Variants in FLT3 observed in about 807,000 individuals in gnomAD.
FLT3 encodes receptor-type tyrosine-protein kinase FLT3.
In FLT3, 46 loss-of-function variants were observed where a neutral mutation model predicts 126.6. The ratio of observed to expected loss-of-function variants is 0.36; its 90% CI spans 0.29 to 0.46. FLT3 has a LOEUF of 0.46. Among genes scored for constraint, FLT3 ranks in the 20% least tolerant of loss-of-function variants. The pLI is 1.00. For synonymous variants in FLT3, 404 were observed against 434.4 expected, an observed-to-expected ratio of 0.93 and a Z score of 0.87; for missense variants, 1,069 against 1,190.3, an observed-to-expected ratio of 0.90 and a Z score of 1.50.
chr13:28,072,930 G>A (rs904811812), intron 1 of FLT3, among the ~76,000 whole-genome samples: 149 of 152,152 alleles, frequency 9.8e-4, no homozygotes, highest in African/African-American at 3.4e-3. Context: ...GCGTAAACCC[G>A]GGAGGCGGAG....
In FLT3 at chr13:28,015,605, C is replaced by T; in HGVS notation, c.2638G>A (p.Glu880Lys). ...DVWSYGILLWEIFSLGVNPYP... is the reference protein window; with the variant it reads ...DVWSYGILLWKIFSLGVNPYP... ...CCCAACTTACCAAGTGAGAAGATTT[C>T]CCACAGTAATATTCCATATGACCAG... The change falls in exon 21 of 24, where the codon GAA becomes AAA. Residue 880 changes from glutamate (E) to lysine (K), a missense_variant. Coordinates refer to ENST00000241453, the MANE Select transcript of FLT3 (RefSeq NM_004119.3). 6.2e-7 allele frequency: 1 copy of T among 1,608,692 alleles called. No homozygotes were observed. The highest frequency in any genetic ancestry group is 8.5e-7 in the Non-Finnish European group (1 of 1,176,032).
intron 1 of FLT3, among the ~76,000 whole-genome samples, chr13:28,088,224 T>G (rs1044946622): frequency 1.3e-5 from 2 of 152,204 alleles, no homozygotes; most frequent in African/African-American, 4.8e-5. Flanking sequence ...AGTGTTCAGT[T>G]TAGAGTTAAT....
intron 23 of FLT3, among the ~76,000 whole-genome samples, chr13:28,012,081 A>G (rs916211200): frequency 6.6e-6 from 1 of 152,080 alleles, no homozygotes; most frequent in Non-Finnish European, 1.5e-5. Flanking sequence ...TGTGTGACCC[A>G]CTGCAATGGG....
Position 28,075,802 on chromosome 13 carries a change from T to TC in FLT3, c.44-5191_44-5190insG, listed in dbSNP as rs1491509715. On this transcript the variant is annotated intron_variant, in intron 1 of 23. Transcript: ENST00000241453. ...CATCTAAAACCTACTCTCTTAGCAATTTTTTTTTTTTGAGACAGAGTCTGA... is the reference window on the plus strand; with the variant it reads ...CATCTAAAACCTACTCTCTTAGCAATCTTTTTTTTTTTGAGACAGAGTCTGA... Among the ~76,000 whole-genome samples the TC allele has an allele frequency of 7.9e-4, 13 of 16,496 alleles. No individual in the cohort carries two copies. The Admixed American group carries it at 9.4e-3, about 12-fold the overall frequency. 10.8% of individuals were successfully genotyped at this position (16,496 alleles called of 152,430 possible).
In FLT3 at chr13:28,049,422, G is replaced by A. The variant is rs764732883; in HGVS notation, c.998C>T (p.Ser333Leu). 9.3e-6 allele frequency: 15 copies of A among 1,614,088 alleles called. No homozygotes were observed. Among genetic ancestry groups the A allele is most frequent in the Non-Finnish European group, 1.3e-5 (15 of 1,179,976 alleles). ...NDTGYYTCSS[S>L]KHPSQSALVT... ...CAAAGCTGATTGACTGGGATGCTTT[G>A]AAGAGGAACAAGTGTAGTATCCGGT... Residue 333 changes from serine to leucine, a missense_variant, in exon 8 of 24, where the codon TCA (serine) becomes TTA (leucine). By Grantham distance (145) the Ser-to-Leu change is moderately radical. Coordinates refer to ENST00000241453, the MANE Select transcript of FLT3 (RefSeq NM_004119.3).
chr13:28,096,629 G>A (rs1879469120), intron 1 of FLT3, among the ~76,000 whole-genome samples: 1 of 152,012 alleles, frequency 6.6e-6, no homozygotes, highest in African/African-American at 2.4e-5. Context: ...TAGAAACAGG[G>A]TTTCACCATG....
Position 28,069,005 on chromosome 13 carries a change from TAAAAGAG to T in FLT3, c.165+1479_165+1485del, listed in dbSNP as rs1419583219. 6.9e-3 allele frequency among the ~76,000 whole-genome samples: 1,042 copies of T among 152,016 alleles called. 10 individuals are homozygous for T. The highest frequency in any genetic ancestry group is 0.024 in the African/African-American group (990 of 41,458). On this transcript the variant is annotated intron_variant, in intron 2 of 23. Transcript: ENST00000241453. ...GTAATGAAAAACAAGACGAACAGCG[TAAAAGAG>T]AGGAGTCATGAAAAACAAAGTCGGA... is the stretch of plus-strand genomic sequence containing the variant.
chr13:28,034,015 G>A (rs768037290), intron 14 of FLT3, 24 bp from the exon 15 acceptor site: 20 of 1,612,344 alleles, frequency 1.2e-5, no homozygotes, highest in South Asian at 2.2e-5. Flanking sequence ...TGGTGAGTAC[G>A]TGCATTTTAA....
chr13:28,033,152 C>CA (rs755989941), intron 15 of FLT3, among the ~76,000 whole-genome samples: 17,691 of 138,128 alleles, frequency 0.13, 1,170 homozygotes, highest in South Asian at 0.22. Flanking sequence ...ACCGTATCTA[C>CA]AAAAAAAAAA....
In FLT3 at chr13:28,090,203, A is replaced by AT. The variant is rs559106898; in HGVS notation, c.43+10264dup. ...TTACAGGCGTGCATCACCATGCCCAATTTTTTGTATTTTTAGTAGAGACAG... is the reference window on the plus strand; with the variant it reads ...TTACAGGCGTGCATCACCATGCCCAATTTTTTTGTATTTTTAGTAGAGACAG... On this transcript the variant is annotated intron_variant, in intron 1 of 23. Coordinates refer to ENST00000241453, the MANE Select transcript of FLT3 (RefSeq NM_004119.3). Among the ~76,000 whole-genome samples the AT allele has an allele frequency of 3.3e-4, 50 of 150,072 alleles. No individual in the cohort carries two copies. In the South Asian group the frequency reaches 9.3e-3, roughly 28 times the overall value.
rs779318784 is a variant in FLT3, at chr13:28,035,672, A to T, written c.1420T>A (p.Cys474Ser). 2 of 1,599,410 alleles carry T rather than the reference A, an allele frequency of 1.3e-6. No homozygotes were observed. The highest frequency in any genetic ancestry group is 1.7e-6 in the Non-Finnish European group (2 of 1,176,286). ...ACTCCTTCTGTGATCTCTTCTGTGC[A>T]GCTGAAAAAAAAAATAGCAAAGAAT... ...WKKCSDKSPN[C>S]TEEITEGVWN... Residue 474 changes from cysteine to serine, a missense_variant and splice_region_variant, in exon 12 of 24, where the codon TGC becomes AGC. Physicochemically the swap from Cys to Ser is moderately radical, Grantham distance 112 (BLOSUM62 -1). Transcript: ENST00000241453.
At chr13:28,005,328 C>CA (rs1226184058) in intron 23 of FLT3, among the ~76,000 whole-genome samples, 5 of 138,492 alleles carry the variant, frequency 3.6e-5, no homozygotes, top group Non-Finnish European at 7.4e-5. Context: ...GACTCCATCT[C>CA]AAAAAAAAGA....
intron 17 of FLT3, among the ~76,000 whole-genome samples, chr13:28,026,853 T>G (rs367776682): frequency 9.2e-5 from 14 of 152,330 alleles, no homozygotes; most frequent in African/African-American, 3.1e-4. Context: ...TATGGTGTGA[T>G]GCAGGCATGG....
chr13:28,083,997 CTG>C (rs1306941321), intron 1 of FLT3, among the ~76,000 whole-genome samples: 7 of 151,708 alleles, frequency 4.6e-5, no homozygotes, highest in Non-Finnish European at 4.4e-5. Context: ...ATGATTATTA[CTG>C]TGTTTCCTTT....
chr13:28,022,413 G>A (rs1020963540), intron 19 of FLT3, among the ~76,000 whole-genome samples: 2 of 152,076 alleles, frequency 1.3e-5, no homozygotes, highest in Non-Finnish European at 2.9e-5. Context: ...ACGGAAGGCC[G>A]AGGCATGAGA....
In FLT3 at chr13:28,048,389, T is replaced by C. The variant is rs1231097306; in HGVS notation, c.1091A>G (p.Tyr364Cys). The change falls in exon 9 of 24, where the codon TAT becomes TGT. Residue 364 changes from tyrosine to cysteine, a missense_variant. Tyr to Cys is a radical substitution (Grantham distance 194, BLOSUM62 -2). Coordinates refer to ENST00000241453, the MANE Select transcript of FLT3 (RefSeq NM_004119.3). ...CCTGACAGAAAAACAAAACTCTTCA[T>C]ATTGGTCAATTTCATAATCTTCACT... Reference protein sequence around the residue: ...NSSEDYEIDQYEEFCFSVRFK... With the variant: ...NSSEDYEIDQCEEFCFSVRFK... 1 of 1,611,492 alleles carries C rather than the reference T, an allele frequency of 6.2e-7. No individual in the cohort carries two copies. The highest frequency in any genetic ancestry group is 8.5e-7 in the Non-Finnish European group (1 of 1,177,604).
chr13:28,057,487 T>C (rs1876116334), intron 3 of FLT3, 25 bp from the exon 4 acceptor site: 1 of 1,090,912 alleles, frequency 9.2e-7, no homozygotes, highest in Non-Finnish European at 1.4e-6. Flanking sequence ...AGAGAACTAG[T>C]TATTTTGGAA....
Position 28,024,935 on chromosome 13 carries a change from C to G in FLT3, c.2216G>C (p.Gly739Ala), listed in dbSNP as rs1420309811. 4 of 1,607,364 alleles carry G rather than the reference C, an allele frequency of 2.5e-6. No individual in the cohort carries two copies. Among genetic ancestry groups the G allele is most frequent in the Non-Finnish European group, 3.4e-6 (4 of 1,176,504 alleles). ...CGGGTGTATCTGAACTTCTCTTGAA[C>G]CAGGCATGCTATTAAAAAATTTTGT... ...FQSHPNSSMPGSREVQIHPDS... is the reference protein window; with the variant it reads ...FQSHPNSSMPASREVQIHPDS... Residue 739 changes from glycine (G) to alanine (A), a missense_variant, in exon 18 of 24, where the codon GGT becomes GCT. Transcript: ENST00000241453.
At chr13:28,058,451 G>A (rs1876235270) in intron 3 of FLT3, among the ~76,000 whole-genome samples, 1 of 152,110 alleles carries the variant, frequency 6.6e-6, no homozygotes, top group African/African-American at 2.4e-5. Context: ...GGCGGAGGTT[G>A]CGGTGAGCCA....
Sources: gnomAD v4.1 joint callset for allele counts (sites outside exome capture counted in the v4.1 genomes callset) on GRCh38, gnomAD v4.1.1 for gene constraint, MANE v1.5 for transcripts, NCBI Gene and HGNC (gene_info 2026-07-23, HGNC 2026-07-21) for gene names.